TGFBR3: variants seen among roughly 807,000 people sequenced by gnomAD.
TGFBR3 encodes transforming growth factor beta receptor 3.
In TGFBR3, 46 loss-of-function variants were observed where a neutral mutation model predicts 87.9. The ratio of observed to expected loss-of-function variants is 0.52; its 90% CI spans 0.41 to 0.67. The LOEUF is 0.67. TGFBR3 is among the 30% of genes least tolerant of loss of function. TGFBR3 has a pLI of 0.00. For synonymous variants in TGFBR3, 381 were observed against 391.6 expected (o/e 0.97, Z 0.32); for missense variants, 866 against 1,041.9 (o/e 0.83, Z 2.32).
chr1:91,797,926 T>G (rs1170231812), intron 2 of TGFBR3, among the ~76,000 whole-genome samples: 1 of 152,076 alleles, frequency 6.6e-6, no homozygotes, highest in African/African-American at 2.4e-5. Context: ...CAAAACAAAC[T>G]TAAGAACAAT....
chr1:91,726,280 G>A (rs1010078707), intron 7 of TGFBR3, among the ~76,000 whole-genome samples: 3 of 152,162 alleles, frequency 2.0e-5, no homozygotes, highest in East Asian at 1.9e-4. Context: ...AAAATGTACC[G>A]TATGTTTTTG....
chr1:91,889,308 C>T (rs527536237), upstream of TGFBR3, among the ~76,000 whole-genome samples: 10 of 152,202 alleles, frequency 6.6e-5, no homozygotes, highest in African/African-American at 2.4e-4. Context: ...TTCAATCTCA[C>T]ATCCACCGAC....
At chr1:91,770,742 A>G (rs1674350268) in intron 3 of TGFBR3, 1 of 152,224 alleles carries the variant, frequency 6.6e-6, no homozygotes. Flanking sequence ...TGCATTCCTA[A>G]AAAACACTTA....
At chr1:91,868,220 A>C in intron 1 of TGFBR3, among the ~76,000 whole-genome samples, 1 of 152,192 alleles carries the variant, frequency 6.6e-6, no homozygotes, top group East Asian at 1.9e-4. Context: ...GCTCGGCCCC[A>C]CACTGTCTAT....
At chr1:91,846,503 G>A (rs1352438) in intron 2 of TGFBR3, among the ~76,000 whole-genome samples, 64 of 151,914 alleles carry the variant, frequency 4.2e-4, no homozygotes, top group Middle Eastern at 6.8e-3. Flanking sequence ...TCAGGCTCTC[G>A]GAGTCCTCTA....
chr1:91,773,938 T>C (rs1674474600), intron 3 of TGFBR3, among the ~76,000 whole-genome samples: 1 of 152,242 alleles, frequency 6.6e-6, no homozygotes, highest in African/African-American at 2.4e-5. Flanking sequence ...AGAGAGTTTC[T>C]TTGCTTTCCT....
At chr1:91,690,740 A>G (rs561941323) in intron 16 of TGFBR3, among the ~76,000 whole-genome samples, 59 of 152,192 alleles carry the variant, frequency 3.9e-4, no homozygotes, top group Middle Eastern at 3.4e-3. Flanking sequence ...CCAGTCCTAT[A>G]CCTTTCAAGC....
At chr1:91,766,436 A>T (rs1218214984) in intron 3 of TGFBR3, 1 of 152,120 alleles carries the variant, frequency 6.6e-6, no homozygotes, top group Non-Finnish European at 1.5e-5. Flanking sequence ...CAACAACAGA[A>T]TGTTAGAATG....
intron 4 of TGFBR3, among the ~76,000 whole-genome samples, chr1:91,745,876 T>C (rs890058418): frequency 6.6e-6 from 1 of 152,250 alleles, no homozygotes; most frequent in Non-Finnish European, 1.5e-5. Context: ...TGATGGTATC[T>C]GCCAATCATG....
At chr1:91,894,551 C>T (rs1679514377) in intron 2 of TGFBR3, among the ~76,000 whole-genome samples, 1 of 152,210 alleles carries the variant, frequency 6.6e-6, no homozygotes, top group Non-Finnish European at 1.5e-5. Context: ...GTGACTGATA[C>T]TCAGTTTTCA....
intron 2 of TGFBR3, among the ~76,000 whole-genome samples, chr1:91,804,988 C>T (rs567619169): frequency 2.0e-5 from 3 of 152,212 alleles, no homozygotes; most frequent in Non-Finnish European, 4.4e-5. Context: ...CACCTGAAAG[C>T]AACAATGCTC....
intron 10 of TGFBR3, among the ~76,000 whole-genome samples, chr1:91,717,403 C>CT (rs1040295965): frequency 3.3e-5 from 5 of 151,962 alleles, no homozygotes; most frequent in Non-Finnish European, 7.4e-5. Flanking sequence ...TTCCAGGAAT[C>CT]TTTTTTTTCC....
In TGFBR3 at chr1:91,708,653, C is replaced by G; in HGVS notation, c.2287+10G>C. The stretch of plus-strand genomic sequence containing the variant: ...GGCCCCATGCTCTGATCGTGCCTCC[C>G]AAAGCACACCTTTAGATTCTGCTTC... On this transcript the variant is annotated intron_variant, in intron 14 of 16. Coordinates refer to ENST00000212355, the MANE Select transcript of TGFBR3 (RefSeq NM_003243.5). The G allele has an allele frequency of 6.2e-7, 1 of 1,613,954 alleles. No homozygotes were observed. Among genetic ancestry groups the G allele is most frequent in the Non-Finnish European group, 8.5e-7 (1 of 1,179,894 alleles).
At chr1:91,835,987 C>T (rs991656283) in intron 2 of TGFBR3, among the ~76,000 whole-genome samples, 2 of 152,100 alleles carry the variant, frequency 1.3e-5, no homozygotes, top group Admixed American at 1.3e-4. Flanking sequence ...GTGGTTCATG[C>T]CCGTAATCCC....
At chr1:91,793,557 CACTCTGGG>C (rs1383870897) in intron 3 of TGFBR3, among the ~76,000 whole-genome samples, 1 of 152,138 alleles carries the variant, frequency 6.6e-6, no homozygotes, top group Non-Finnish European at 1.5e-5. Flanking sequence ...GTAATCCCAG[CACTCTGGG>C]AGTCTGAGGC....
intron 7 of TGFBR3, among the ~76,000 whole-genome samples, chr1:91,723,780 C>T (rs1336851077): frequency 6.6e-6 from 1 of 152,174 alleles, no homozygotes; most frequent in African/African-American, 2.4e-5. Context: ...ACACCATTTT[C>T]GTGCTGTATA....
intron 2 of TGFBR3, among the ~76,000 whole-genome samples, chr1:91,898,320 A>G (rs1679596553): frequency 6.6e-6 from 1 of 152,180 alleles, no homozygotes; most frequent in Non-Finnish European, 1.5e-5. Context: ...GTGTCCATTT[A>G]AGAATGTTCC....
At chr1:91,868,296 T>C (rs1482031068) in intron 1 of TGFBR3, among the ~76,000 whole-genome samples, 2 of 152,162 alleles carry the variant, frequency 1.3e-5, no homozygotes, top group Non-Finnish European at 2.9e-5. Flanking sequence ...AAAAAGAAAA[T>C]AAGCAAACTA....
In TGFBR3 at chr1:91,682,386, T is replaced by A; in HGVS notation, c.*1353A>T. 1 of 443,932 alleles carries A rather than the reference T, an allele frequency of 2.3e-6. No homozygotes were observed. Among genetic ancestry groups the A allele is most frequent in the Non-Finnish European group, 4.5e-6 (1 of 224,420 alleles). The allele number at this position is 443,932 out of a possible 1,614,324, so 27.5% of individuals were successfully genotyped here. A position where few individuals can be genotyped will look rare whatever the true frequency, so the allele number is the denominator to read the frequency against. ...TCAGCAGTAAAATAATTTAGCATGATAATTCCCCCCTGGCATTCTTTTTTT... is the reference window on the plus strand; with the variant it reads ...TCAGCAGTAAAATAATTTAGCATGAAAATTCCCCCCTGGCATTCTTTTTTT... On this transcript the variant is annotated 3_prime_UTR_variant, in exon 17 of 17. Transcript: ENST00000212355.
Sources: gnomAD v4.1 joint callset for allele counts (sites outside exome capture counted in the v4.1 genomes callset) on GRCh38, gnomAD v4.1.1 for gene constraint, MANE v1.5 for transcripts, NCBI Gene and HGNC (gene_info 2026-07-23, HGNC 2026-07-21) for gene names.